PLAA: variants seen among roughly 807,000 people sequenced by gnomAD.
PLAA encodes phospholipase A2 activating protein, also known as phospholipase A-2-activating protein.
A neutral mutation model predicts 84.1 loss-of-function variants in PLAA; 48 were observed. The ratio of observed to expected loss-of-function variants is 0.57; its 90% CI spans 0.45 to 0.73. The LOEUF (loss-of-function observed/expected upper bound fraction) is 0.73, where lower values mean the gene tolerates loss of function less well. PLAA is among the 30% of genes least tolerant of loss of function. PLAA has a pLI of 0.00. For missense variants in PLAA, 903 were observed against 954.7 expected (o/e 0.95, Z 0.71); for synonymous variants, 392 against 336.6 (o/e 1.16, Z -1.80).
intron 10 of PLAA, among the ~76,000 whole-genome samples, chr9:26,914,849 T>A (rs12338678): frequency 0.049 from 7,397 of 152,300 alleles, 216 homozygotes; most frequent in South Asian, 0.099. Context: ...AATACACAGA[T>A]TCCCAGAGTC....
In PLAA at chr9:26,947,075, A is replaced by C; in HGVS notation, c.-30T>G. The C allele has an allele frequency of 6.5e-7, 1 of 1,543,996 alleles. No individual in the cohort carries two copies. Reference sequence around the variant, plus strand: ...AGTGTCTGTCTGGCGCCCGGTGCCCAGGCACTGTGCGAGACCAGTCCGCAG... The same window carrying C: ...AGTGTCTGTCTGGCGCCCGGTGCCCCGGCACTGTGCGAGACCAGTCCGCAG... On this transcript the variant is annotated 5_prime_UTR_variant, in exon 1 of 14. Transcript: ENST00000397292.
Position 26,929,621 on chromosome 9 carries a change from G to C in PLAA, c.344-1213C>G, listed in dbSNP as rs538733317. 5.2e-4 allele frequency among the ~76,000 whole-genome samples: 79 copies of C among 152,300 alleles called. 1 individual carries two copies. Among genetic ancestry groups the C allele is most frequent in the African/African-American group, 1.8e-3 (75 of 41,558 alleles). Reference sequence around the variant, plus strand: ...CACAAAAGTCTCTCTACCCTGAGCTGAGGATCCTTGAGACAGCTACTTATT... The same window carrying C: ...CACAAAAGTCTCTCTACCCTGAGCTCAGGATCCTTGAGACAGCTACTTATT... On this transcript the variant is annotated intron_variant, in intron 2 of 13. Coordinates refer to ENST00000397292, the MANE Select transcript of PLAA (RefSeq NM_001031689.3).
chr9:26,932,403 A>G (rs1201838528), intron 2 of PLAA, among the ~76,000 whole-genome samples: 1 of 152,238 alleles, frequency 6.6e-6, no homozygotes. Context: ...ATCAAAGGCA[A>G]TCTTCTAACG....
At chr9:26,910,311 G>T in intron 12 of PLAA, 27 bp downstream of exon 12, 1 of 1,504,268 alleles carries the variant, frequency 6.6e-7, no homozygotes. Context: ...CTGTGAATAT[G>T]TGAATAAATT....
rs759384477 is a variant in PLAA at position 26,928,389 on chromosome 9, T to C, written c.363A>G (p.Gly121=). Reference sequence around the variant, plus strand: ...AACCACTAAGTAATGTCCCAAATTTTCCAGATGATAGACTACAAACTAAGG... The same window carrying C: ...AACCACTAAGTAATGTCCCAAATTTCCCAGATGATAGACTACAAACTAAGG... ...HKNTVCSLSS[G]KFGTLLSGSW... is the part of the protein sequence containing the mutation. Residue 121 remains glycine, a synonymous_variant, in exon 3 of 14, where the codon GGA becomes GGG. Coordinates refer to ENST00000397292, the MANE Select transcript of PLAA (RefSeq NM_001031689.3). 1.2e-6 allele frequency: 2 copies of C among 1,612,376 alleles called. No individual in the cohort carries two copies. Among genetic ancestry groups the C allele is most frequent in the South Asian group, 2.2e-5 (2 of 91,050 alleles).
At chr9:26,938,152 G>A (rs1825418294) in intron 1 of PLAA, among the ~76,000 whole-genome samples, 1 of 152,142 alleles carries the variant, frequency 6.6e-6, no homozygotes, top group South Asian at 2.1e-4. Context: ...CAGTAAGAAA[G>A]AAGTAACTTA....
chr9:26,916,062 T>A (rs764609094), intron 10 of PLAA: 76 of 985,328 alleles, frequency 7.7e-5, no homozygotes, highest in Non-Finnish European at 8.7e-5. Flanking sequence ...ATTTACTTGT[T>A]ATCAATGCAC....
chr9:26,936,261 T>C (rs1014300092), intron 1 of PLAA, among the ~76,000 whole-genome samples: 1 of 149,334 alleles, frequency 6.7e-6, no homozygotes, highest in African/African-American at 2.5e-5. Context: ...AAAAAAAAAA[T>C]ACATGAATAC....
chr9:26,908,766 G>T (rs750386071), intron 12 of PLAA, among the ~76,000 whole-genome samples: 1 of 152,070 alleles, frequency 6.6e-6, no homozygotes, highest in Non-Finnish European at 1.5e-5. Context: ...GAGCCACCAC[G>T]TCCGGCCTCC....
rs899332673 is a variant in PLAA, at chr9:26,935,114, G to C, written c.242C>G (p.Pro81Arg). The C allele has an allele frequency of 1.1e-5, 18 of 1,611,096 alleles. No individual in the cohort carries two copies. Among genetic ancestry groups the C allele is most frequent in the Non-Finnish European group, 1.4e-5 (16 of 1,178,718 alleles). ...TCCACCGGTGGCAATTAGGCCATGA[G>C]GGTAGATGTCACTTGAGGGTATGAT... ...VCIIPSSDIY[P>R]HGLIATGGND... The change falls in exon 2 of 14, where the codon CCT becomes CGT. Residue 81 changes from proline (P) to arginine (R), a missense_variant. Transcript: ENST00000397292.
rs1824720336 is a variant in PLAA at position 26,920,301 on chromosome 9, T to C, written c.1123A>G (p.Ile375Val). Residue 375 changes from isoleucine (I) to valine (V), a missense_variant, in exon 8 of 14, where the codon ATA becomes GTA. Physicochemically the swap from Ile to Val is conservative, Grantham distance 29 (BLOSUM62 3). Transcript: ENST00000397292. ...GAGCCAACAACATCACCAATTTTTA[T>C]CCACCTCCCTTCACTAACACTCCAC... ...YQWSVSEGRW[I>V]KIGDVVGSSG... 1 of 1,613,856 alleles carries C rather than the reference T, an allele frequency of 6.2e-7. No individual in the cohort carries two copies. The highest frequency in any genetic ancestry group is 8.5e-7 in the Non-Finnish European group (1 of 1,179,786).
chr9:26,909,942 G>A (rs1005060724), intron 12 of PLAA, among the ~76,000 whole-genome samples: 2 of 152,048 alleles, frequency 1.3e-5, no homozygotes, highest in Non-Finnish European at 2.9e-5. Flanking sequence ...CATTTCTAAT[G>A]GGCAATTTAA....
chr9:26,919,239 A>T, intron 9 of PLAA, 71 bp downstream of exon 9: 1 of 901,580 alleles, frequency 1.1e-6, no homozygotes, highest in Non-Finnish European at 1.7e-6. Flanking sequence ...TCACATGACT[A>T]TTTGAAAACA....
At chr9:26,940,094 T>C (rs748500164) in intron 1 of PLAA, among the ~76,000 whole-genome samples, 6 of 152,194 alleles carry the variant, frequency 3.9e-5, no homozygotes, top group Non-Finnish European at 5.9e-5. Context: ...GAAAAAAGTA[T>C]GGAAATTCCT....
chr9:26,944,670 C>T (rs1377935046), intron 1 of PLAA, among the ~76,000 whole-genome samples: 1 of 152,160 alleles, frequency 6.6e-6, no homozygotes, highest in East Asian at 1.9e-4. Context: ...TTACAGCCAC[C>T]CATGGGCCAC....
At chr9:26,937,507 T>C (rs1202630266) in intron 1 of PLAA, among the ~76,000 whole-genome samples, 1 of 152,030 alleles carries the variant, frequency 6.6e-6, no homozygotes, top group Non-Finnish European at 1.5e-5. Flanking sequence ...CGCATACAAA[T>C]AAACAGAAAA....
At chr9:26,916,250 A>G (rs2131374565) in intron 10 of PLAA, 1 of 985,400 alleles carries the variant, frequency 1.0e-6, no homozygotes, top group Non-Finnish European at 1.2e-6. Context: ...CTGCAAGGCC[A>G]GTGGATACCT....
In PLAA at chr9:26,905,026, AATT is replaced by A. The variant is rs1824184344; in HGVS notation, c.*482_*484del. The A allele has an allele frequency of 1.3e-5, 2 of 151,722 alleles. No homozygotes were observed. Among genetic ancestry groups the A allele is most frequent in the Admixed American group, 6.6e-5 (1 of 15,236 alleles). The allele number at this position is 151,722 out of a possible 1,614,324, so 9.4% of individuals were successfully genotyped here. ...TATTGTTTTAATATATGAATTTATA[AATT>A]ATTTTATAAATTTAATATAATTTAA... On this transcript the variant is annotated 3_prime_UTR_variant, in exon 14 of 14. Coordinates refer to ENST00000397292, the MANE Select transcript of PLAA (RefSeq NM_001031689.3).
At chr9:26,934,947 T>A (rs34140385) in intron 2 of PLAA, 66 bp downstream of exon 2, 1 of 1,184,704 alleles carries the variant, frequency 8.4e-7, no homozygotes. Context: ...AAAATGGATA[T>A]GTAAATTTTA....
Sources: allele counts gnomAD v4.1 joint callset (sites outside exome capture counted in the v4.1 genomes callset), GRCh38; gene constraint gnomAD v4.1.1; transcripts MANE v1.5; gene names NCBI Gene and HGNC (gene_info 2026-07-23, HGNC 2026-07-21).